The following ADAMTS18 variants were observed in gnomAD, a reference collection of about 807,000 sequenced individuals.
ADAMTS18 encodes ADAM metallopeptidase with thrombospondin type 1 motif 18.
In ADAMTS18, 157 loss-of-function variants were observed where a neutral mutation model predicts 165.9. The ratio of observed to expected loss-of-function variants is 0.95; its 90% CI spans 0.83 to 1.08. The LOEUF is 1.08. Ranked by LOEUF, ADAMTS18 falls within the 50% of genes least tolerant of loss-of-function variation. The probability of loss-of-function intolerance (pLI) is 0.00; values close to 1 mark genes in which losing one functional copy is unlikely to be tolerated. For missense variants in ADAMTS18, 2,040 were observed against 1,534.0 expected (o/e 1.33, Z -5.51); for synonymous variants, 782 against 578.2 (o/e 1.35, Z -5.06).
At chr16:77,300,985 C>T (rs2055571815) in intron 16 of ADAMTS18, among the ~76,000 whole-genome samples, 3 of 152,166 alleles carry the variant, frequency 2.0e-5, no homozygotes. Flanking sequence ...TTCCAATATA[C>T]TTTCCATAGA....
chr16:77,318,672 C>G (rs549329581), intron 16 of ADAMTS18, among the ~76,000 whole-genome samples: 2 of 152,180 alleles, frequency 1.3e-5, no homozygotes, highest in Admixed American at 6.5e-5. Flanking sequence ...ACATAGATCT[C>G]ATACTCCTGG....
intron 3 of ADAMTS18, among the ~76,000 whole-genome samples, chr16:77,394,081 A>G (rs1350883841): frequency 6.6e-6 from 1 of 152,232 alleles, no homozygotes; most frequent in Non-Finnish European, 1.5e-5. Flanking sequence ...CATCAGCTTC[A>G]TTATAAAGAT....
At chr16:77,345,653 C>G (rs1197221625) in intron 10 of ADAMTS18, among the ~76,000 whole-genome samples, 1 of 152,168 alleles carries the variant, frequency 6.6e-6, no homozygotes, top group Admixed American at 6.5e-5. Flanking sequence ...CTTGTTAAAC[C>G]TGAATTTACA....
intron 3 of ADAMTS18, among the ~76,000 whole-genome samples, chr16:77,389,994 C>T (rs1481790136): frequency 6.6e-6 from 1 of 152,174 alleles, no homozygotes; most frequent in Non-Finnish European, 1.5e-5. Flanking sequence ...CAGAATTCTA[C>T]AACTTGGAAT....
intron 3 of ADAMTS18, among the ~76,000 whole-genome samples, chr16:77,379,846 G>A (rs982213624): frequency 1.3e-5 from 2 of 152,120 alleles, no homozygotes; most frequent in African/African-American, 4.8e-5. Context: ...GAACACCTGA[G>A]CACTTCAAGG....
chr16:77,326,559 T>C (rs1473434910), intron 12 of ADAMTS18, among the ~76,000 whole-genome samples: 1 of 152,104 alleles, frequency 6.6e-6, no homozygotes, highest in Non-Finnish European at 1.5e-5. Flanking sequence ...ATTCTTGTAC[T>C]TTTTGTTGAG....
chr16:77,368,047 T>C (rs1391493052), intron 3 of ADAMTS18, among the ~76,000 whole-genome samples: 1 of 152,130 alleles, frequency 6.6e-6, no homozygotes, highest in Non-Finnish European at 1.5e-5. Flanking sequence ...CAAATCACTT[T>C]TACACTTTTT....
intron 3 of ADAMTS18, among the ~76,000 whole-genome samples, chr16:77,408,899 A>G (rs1357191277): frequency 1.3e-5 from 2 of 152,140 alleles, no homozygotes; most frequent in Non-Finnish European, 2.9e-5. Flanking sequence ...CTTAAAATAG[A>G]TGAGTAATTA....
intron 9 of ADAMTS18, among the ~76,000 whole-genome samples, chr16:77,355,473 T>A (rs1034801890): frequency 7.2e-5 from 11 of 152,176 alleles, no homozygotes; most frequent in African/African-American, 1.7e-4. Flanking sequence ...TGAGCATTTT[T>A]AAAATACTCT....
rs1236466041 is a variant in ADAMTS18, at chr16:77,390,866, C to T, written c.496-23143G>A. On this transcript the variant is annotated intron_variant, in intron 3 of 22. Coordinates refer to ENST00000282849, the MANE Select transcript of ADAMTS18 (RefSeq NM_199355.4). The stretch of plus-strand genomic sequence containing the variant: ...TGAGAAATTCAGTGCCTCAGTTATA[C>T]TAGGCATATTTCAAGTGCCCAGTAG... Among the ~76,000 whole-genome samples the T allele has an allele frequency of 2.0e-5, 3 of 152,128 alleles. No homozygotes were observed. The East Asian group carries it at 5.8e-4, about 29-fold the overall frequency.
chr16:77,293,673 G>A lies in ADAMTS18; in HGVS notation c.3007-415C>T, dbSNP rs78639620. Among the ~76,000 whole-genome samples, 809 of 151,310 alleles carry A rather than the reference G, an allele frequency of 5.3e-3. 8 individuals are homozygous for A. The highest frequency in any genetic ancestry group is 0.019 in the African/African-American group (772 of 41,136). On this transcript the variant is annotated intron_variant, in intron 19 of 22. Transcript: ENST00000282849. ...CCAGGGTCGGCTTTTGCAGAACACT[G>A]TATTTCCATGGACGGGCAGGGTGGT...
intron 17 of ADAMTS18, among the ~76,000 whole-genome samples, chr16:77,298,838 C>G (rs2055526088): frequency 6.6e-6 from 1 of 152,116 alleles, no homozygotes. Context: ...TGAAGTTAAC[C>G]GTTGACTTTA....
intron 2 of ADAMTS18, among the ~76,000 whole-genome samples, chr16:77,433,852 C>T (rs12925025): frequency 2.0e-5 from 3 of 151,384 alleles, no homozygotes; most frequent in South Asian, 2.1e-4. Context: ...TTGTGGCTGG[C>T]GAACGTCAGA....
chr16:77,355,539 C>T (rs913233548), intron 9 of ADAMTS18, among the ~76,000 whole-genome samples: 6 of 152,092 alleles, frequency 3.9e-5, no homozygotes, highest in African/African-American at 1.4e-4. Flanking sequence ...AGACAATATA[C>T]CTAGCAGCCT....
In ADAMTS18 at chr16:77,283,477, G is replaced by T. The variant is rs1597070141; in HGVS notation, c.*479C>A. 1 of 173,082 alleles carries T rather than the reference G, an allele frequency of 5.8e-6. No individual in the cohort carries two copies. The highest frequency in any genetic ancestry group is 1.7e-4 in the East Asian group (1 of 5,942). The allele number at this position is 173,082 out of a possible 1,614,324, so 10.7% of individuals were successfully genotyped here. A position where few individuals can be genotyped will look rare whatever the true frequency, so the allele number is the denominator to read the frequency against. ...CATTTGGCTTCTCATAGAACTCCTGGCTTGGGTGTTCACAGGGTTAGTCGA... is the reference window on the plus strand; with the variant it reads ...CATTTGGCTTCTCATAGAACTCCTGTCTTGGGTGTTCACAGGGTTAGTCGA... On this transcript the variant is annotated 3_prime_UTR_variant, in exon 23 of 23. Transcript: ENST00000282849.
intron 16 of ADAMTS18, among the ~76,000 whole-genome samples, chr16:77,303,620 C>T (rs1395157393): frequency 9.2e-6 from 1 of 108,750 alleles, no homozygotes; most frequent in Non-Finnish European, 1.8e-5. Context: ...GTGACCTCCA[C>T]GGTCAAGACA....
chr16:77,315,903 A>G (rs1193208669), intron 16 of ADAMTS18, among the ~76,000 whole-genome samples: 1 of 152,196 alleles, frequency 6.6e-6, no homozygotes, highest in Non-Finnish European at 1.5e-5. Context: ...TATCTAAGGT[A>G]CATTGCAAAT....
chr16:77,284,034 G>A lies in ADAMTS18; in HGVS notation c.3588C>T (p.His1196=), dbSNP rs752084827. ...PSCVDFFNWC[H]LVPQHGVCNH... ...TGCAGACACCATGCTGAGGAACTAGGTGACACCAGTTGAAGAAATCTACGC... is the reference window on the plus strand; with the variant it reads ...TGCAGACACCATGCTGAGGAACTAGATGACACCAGTTGAAGAAATCTACGC... Residue 1196 remains histidine, a synonymous_variant, in exon 23 of 23, where the codon CAC becomes CAT. Transcript: ENST00000282849. The A allele has an allele frequency of 1.2e-6, 2 of 1,613,820 alleles. No individual in the cohort carries two copies. The highest frequency in any genetic ancestry group is 1.7e-6 in the Non-Finnish European group (2 of 1,179,850).
At chr16:77,397,145 C>A (rs1352709100) in intron 3 of ADAMTS18, among the ~76,000 whole-genome samples, 2 of 152,042 alleles carry the variant, frequency 1.3e-5, no homozygotes, top group Non-Finnish European at 2.9e-5. Context: ...TGTCCCAAAT[C>A]TAACACAATT....
Sources: allele counts gnomAD v4.1 joint callset (sites outside exome capture counted in the v4.1 genomes callset), GRCh38; gene constraint gnomAD v4.1.1; transcripts MANE v1.5; gene names NCBI Gene and HGNC (gene_info 2026-07-23, HGNC 2026-07-21).